GPC5: variants seen among roughly 807,000 people sequenced by gnomAD.
GPC5 encodes the protein glypican-5.
In GPC5, 47 loss-of-function variants were observed where a neutral mutation model predicts 53.9. The ratio of observed to expected loss-of-function variants is 0.87; its 90% CI spans 0.69 to 1.11. The LOEUF is 1.11. GPC5 is among the 50% of genes most tolerant of loss of function. GPC5 has a pLI of 0.00. For synonymous variants in GPC5, 286 were observed against 263.3 expected (o/e 1.09, Z -0.84); for missense variants, 748 against 713.1 (o/e 1.05, Z -0.56).
rs1004472367 is a variant in GPC5, at chr13:92,398,297, C to T, written c.1561+253308C>T. 7.4e-5 allele frequency among the ~76,000 whole-genome samples: 11 copies of T among 149,100 alleles called. No individual in the cohort carries two copies. The East Asian group carries it at 1.8e-3, about 24-fold the overall frequency. On this transcript the variant is annotated intron_variant, in intron 7 of 7. Transcript: ENST00000377067. Reference sequence around the variant, plus strand: ...ACAAAAAATTAGCCGGGCGTAGTGGCGGGCGCCTGTAGTCCCAGCTACTTG... The same window carrying T: ...ACAAAAAATTAGCCGGGCGTAGTGGTGGGCGCCTGTAGTCCCAGCTACTTG...
At chr13:91,788,991 A>G (rs999248382) in intron 5 of GPC5, among the ~76,000 whole-genome samples, 4 of 152,136 alleles carry the variant, frequency 2.6e-5, no homozygotes, top group Non-Finnish European at 5.9e-5. Context: ...AGGCAGGTGT[A>G]CCACCTGAGG....
At chr13:91,813,235 G>A (rs1369090111) in intron 5 of GPC5, among the ~76,000 whole-genome samples, 1 of 152,050 alleles carries the variant, frequency 6.6e-6, no homozygotes, top group Non-Finnish European at 1.5e-5. Context: ...AAATTTATTT[G>A]TTGCTAGGTC....
At chr13:91,534,413 A>G (rs962162540) in intron 2 of GPC5, among the ~76,000 whole-genome samples, 6 of 152,234 alleles carry the variant, frequency 3.9e-5, no homozygotes, top group African/African-American at 1.4e-4. Flanking sequence ...CTTCTGTAAA[A>G]GAGAAATGAA....
intron 6 of GPC5, among the ~76,000 whole-genome samples, chr13:92,122,167 T>A (rs139667598): frequency 6.6e-6 from 1 of 152,262 alleles, no homozygotes; most frequent in East Asian, 1.9e-4. Flanking sequence ...AAAAAGAAAT[T>A]GTATGTGGAG....
At chr13:92,639,716 G>C (rs1166169845) in intron 7 of GPC5, among the ~76,000 whole-genome samples, 1 of 152,140 alleles carries the variant, frequency 6.6e-6, no homozygotes, top group Non-Finnish European at 1.5e-5. Context: ...GCAAAAACCA[G>C]GTATCTGTAC....
At chr13:92,678,847 G>C (rs974374498) in intron 7 of GPC5, among the ~76,000 whole-genome samples, 1 of 152,172 alleles carries the variant, frequency 6.6e-6, no homozygotes, top group African/African-American at 2.4e-5. Context: ...AGGATGATTT[G>C]AGCTAGAGTT....
intron 7 of GPC5, among the ~76,000 whole-genome samples, chr13:92,252,595 T>G (rs2139130692): frequency 6.6e-6 from 1 of 152,216 alleles, no homozygotes; most frequent in Non-Finnish European, 1.5e-5. Flanking sequence ...ATATCTAGGC[T>G]TATACTTTTA....
intron 7 of GPC5, among the ~76,000 whole-genome samples, chr13:92,175,713 A>G (rs927825064): frequency 6.6e-6 from 1 of 152,190 alleles, no homozygotes; most frequent in African/African-American, 2.4e-5. Flanking sequence ...ACTGTGAGCA[A>G]TTATAATTAG....
rs760527856 is a variant in GPC5, at chr13:91,951,451, A to G, written c.1401+43394A>G. On this transcript the variant is annotated intron_variant, in intron 6 of 7. Coordinates refer to ENST00000377067, the MANE Select transcript of GPC5 (RefSeq NM_004466.6). ...TGTGAATTCTAAATGGAAAATGCAA[A>G]CAAGTCTTCAGTGTTAAAGTACATT... Among the ~76,000 whole-genome samples, 130 of 152,272 alleles carry G rather than the reference A, an allele frequency of 8.5e-4. No homozygotes were observed. The Middle Eastern group carries it at 0.014, about 16-fold the overall frequency.
intron 7 of GPC5, among the ~76,000 whole-genome samples, chr13:92,342,380 T>G (rs944667993): frequency 5.3e-5 from 8 of 152,170 alleles, no homozygotes; most frequent in African/African-American, 1.9e-4. Context: ...TGTATGAAGT[T>G]CATTGTTTAA....
At chr13:92,138,586 A>T (rs1340521456) in intron 6 of GPC5, among the ~76,000 whole-genome samples, 1 of 152,112 alleles carries the variant, frequency 6.6e-6, no homozygotes, top group Non-Finnish European at 1.5e-5. Context: ...TTCATTATCA[A>T]TCTGTAGATT....
intron 2 of GPC5, among the ~76,000 whole-genome samples, chr13:91,639,471 A>G (rs1391164487): frequency 1.3e-5 from 2 of 152,222 alleles, no homozygotes; most frequent in Non-Finnish European, 2.9e-5. Flanking sequence ...TGGTAACCAG[A>G]TATAGCTTGC....
chr13:91,519,187 G>A (rs1313802873), intron 2 of GPC5, among the ~76,000 whole-genome samples: 1 of 152,174 alleles, frequency 6.6e-6, no homozygotes, highest in Non-Finnish European at 1.5e-5. Context: ...TGGGATAGAT[G>A]AGCAATGTCC....
chr13:92,011,933 GA>G (rs945302463), intron 6 of GPC5, among the ~76,000 whole-genome samples: 4 of 152,164 alleles, frequency 2.6e-5, no homozygotes, highest in African/African-American at 9.6e-5. Flanking sequence ...CAGACTTACA[GA>G]AAAGAGTTTA....
At chr13:91,456,661 T>C (rs958225523) in intron 2 of GPC5, among the ~76,000 whole-genome samples, 1 of 152,056 alleles carries the variant, frequency 6.6e-6, no homozygotes, top group Non-Finnish European at 1.5e-5. Context: ...ACACTCATTT[T>C]GTAATTCAAT....
At chr13:91,864,160 T>A (rs2138917766) in intron 5 of GPC5, among the ~76,000 whole-genome samples, 1 of 152,342 alleles carries the variant, frequency 6.6e-6, no homozygotes. Flanking sequence ...TGTAGTTATA[T>A]GCCAGAGTTT....
At chr13:91,861,441 G>C (rs2138912345) in intron 5 of GPC5, among the ~76,000 whole-genome samples, 1 of 152,022 alleles carries the variant, frequency 6.6e-6, no homozygotes, top group East Asian at 2.0e-4. Context: ...TCATGAATTG[G>C]TTATTTCATA....
At chr13:91,969,020 T>C (rs1050793920) in intron 6 of GPC5, among the ~76,000 whole-genome samples, 2 of 151,474 alleles carry the variant, frequency 1.3e-5, no homozygotes, top group African/African-American at 2.4e-5. Flanking sequence ...CCAGGCTGGA[T>C]TGCAGTGGTG....
chr13:92,175,936 C>T (rs770360936), intron 7 of GPC5, among the ~76,000 whole-genome samples: 3 of 152,124 alleles, frequency 2.0e-5, no homozygotes, highest in Non-Finnish European at 4.4e-5. Context: ...AGCTCTGTTC[C>T]TACTTTTTAG....
Sources: allele counts gnomAD v4.1 joint callset (sites outside exome capture counted in the v4.1 genomes callset), GRCh38; gene constraint gnomAD v4.1.1; transcripts MANE v1.5; gene names NCBI Gene and HGNC (gene_info 2026-07-23, HGNC 2026-07-21).